Variants in BLOC1S5 observed in about 807,000 individuals in gnomAD.
The protein encoded by BLOC1S5 is biogenesis of lysosomal organelles complex 1 subunit 5.
Under a neutral mutation model 24.3 loss-of-function variants are expected in BLOC1S5, and 27 were observed. The ratio of observed to expected loss-of-function variants is 1.11; its 90% CI spans 0.82 to 1.53. The LOEUF (loss-of-function observed/expected upper bound fraction) is 1.53. Among genes scored for constraint, BLOC1S5 ranks in the 40% most tolerant of loss-of-function variants. The probability of loss-of-function intolerance (pLI) is 0.00; values close to 1 mark genes in which losing one functional copy is unlikely to be tolerated. For synonymous variants in BLOC1S5, 84 were observed against 74.5 expected (o/e 1.13, Z -0.66); for missense variants, 239 against 229.4 (o/e 1.04, Z -0.27).
chr6:8,025,669 C>T (rs1178567187), intron 4 of BLOC1S5, among the ~76,000 whole-genome samples: 7 of 152,164 alleles, frequency 4.6e-5, no homozygotes, highest in African/African-American at 1.7e-4. Flanking sequence ...AACCACAACA[C>T]ATTCCAGATA....
At chr6:8,026,777 ACTT>A (rs1763122635) in intron 3 of BLOC1S5, among the ~76,000 whole-genome samples, 1 of 152,132 alleles carries the variant, frequency 6.6e-6, no homozygotes, top group Non-Finnish European at 1.5e-5. Context: ...TGCTCTCTTG[ACTT>A]CTAATTTATC....
At chr6:8,031,994 A>G (rs1561859529) in intron 3 of BLOC1S5, among the ~76,000 whole-genome samples, 1 of 152,218 alleles carries the variant, frequency 6.6e-6, no homozygotes, top group Non-Finnish European at 1.5e-5. Context: ...ACATAAATCT[A>G]AGACCTAAAA....
chr6:8,044,005 C>T (rs1190379770), intron 2 of BLOC1S5, among the ~76,000 whole-genome samples: 1 of 152,104 alleles, frequency 6.6e-6, no homozygotes, highest in African/African-American at 2.4e-5. Context: ...CCTTTCAGGC[C>T]AGGCGCGATG....
intron 4 of BLOC1S5, among the ~76,000 whole-genome samples, chr6:8,025,149 T>C (rs7451562): frequency 0.039 from 5,951 of 152,342 alleles, 368 homozygotes; most frequent in African/African-American, 0.13. Flanking sequence ...GTAATGATCA[T>C]AGTTCTTACT....
At chr6:8,037,227 C>A (rs1763517534) in intron 3 of BLOC1S5, among the ~76,000 whole-genome samples, 1 of 152,140 alleles carries the variant, frequency 6.6e-6, no homozygotes, top group Non-Finnish European at 1.5e-5. Context: ...TTTAGAAAAA[C>A]CTATTGACTC....
At chr6:8,023,817 CGTGCACATGTGTATAT>C (rs147765279) in intron 4 of BLOC1S5, among the ~76,000 whole-genome samples, 5,979 of 151,880 alleles carry the variant, frequency 0.039, 360 homozygotes, top group African/African-American at 0.13. Flanking sequence ...CGTGTGTGTG[CGTGCACATGTGTATAT>C]GTGCACATGT....
At chr6:8,046,898 CCCAATAGCTGGGAGGACAGGTGCACA>C (rs569548982) in intron 2 of BLOC1S5, among the ~76,000 whole-genome samples, 242 of 150,994 alleles carry the variant, frequency 1.6e-3, no homozygotes, top group Middle Eastern at 6.8e-3. Context: ...GTCTCAGCCT[CCCAATAGCTGGGAGGACAGGTGCACA>C]CCACCACACC....
intron 2 of BLOC1S5, among the ~76,000 whole-genome samples, chr6:8,057,241 G>T (rs1484619111): frequency 6.6e-6 from 1 of 151,056 alleles, no homozygotes; most frequent in African/African-American, 2.5e-5. Flanking sequence ...AAGAAAAAAA[G>T]AAAAGACAAA....
intron 3 of BLOC1S5, among the ~76,000 whole-genome samples, chr6:8,038,474 T>C (rs1763564156): frequency 6.6e-6 from 1 of 151,484 alleles, no homozygotes; most frequent in Admixed American, 6.6e-5. Flanking sequence ...CTAGTTAAAA[T>C]GGCTTTTAAT....
chr6:8,041,659 T>TTTC (rs1561864267), intron 2 of BLOC1S5, among the ~76,000 whole-genome samples: 21 of 79,046 alleles, frequency 2.7e-4, no homozygotes, highest in South Asian at 6.9e-4. Context: ...TTCTTTCTTT[T>TTTC]TTTTTGAGAT....
chr6:8,028,380 G>GATTTGTTTTA, intron 3 of BLOC1S5, among the ~76,000 whole-genome samples: 1 of 145,810 alleles, frequency 6.9e-6, no homozygotes, highest in Non-Finnish European at 1.5e-5. Context: ...AAAAAAAACA[G>GATTTGTTTTA]GAGTTGATTA....
At chr6:8,041,032 G>A (rs2113561518) in intron 3 of BLOC1S5, 107 bp downstream of exon 3, 2 of 1,285,082 alleles carry the variant, frequency 1.6e-6, no homozygotes, top group East Asian at 4.8e-5. Flanking sequence ...CTCTGTAACT[G>A]AGCTTCCCTC....
At chr6:8,048,875 T>C (rs1338942440) in intron 2 of BLOC1S5, among the ~76,000 whole-genome samples, 1 of 149,904 alleles carries the variant, frequency 6.7e-6, no homozygotes, top group Admixed American at 6.7e-5. Flanking sequence ...TAGCTGGGCA[T>C]GGTGGTGTAC....
In BLOC1S5 at chr6:8,028,298, T is replaced by C. The variant is rs533366840; in HGVS notation, c.326-1873A>G. Reference sequence around the variant, plus strand: ...TCAGTAACCATTAATTTTAGCTATATCAAAGATAATATTTAAGTATTGAAA... The same window carrying C: ...TCAGTAACCATTAATTTTAGCTATACCAAAGATAATATTTAAGTATTGAAA... On this transcript the variant is annotated intron_variant, in intron 3 of 4. Coordinates refer to ENST00000397457, the MANE Select transcript of BLOC1S5 (RefSeq NM_201280.3). Among the ~76,000 whole-genome samples, 158 of 152,000 alleles carry C rather than the reference T, an allele frequency of 1.0e-3. 1 individual carries two copies. The highest frequency in any genetic ancestry group is 3.6e-3 in the African/African-American group (149 of 41,400).
At chr6:8,022,568 ATTTTTTTTTTC>A (rs1246187824) in intron 4 of BLOC1S5, among the ~76,000 whole-genome samples, 1,601 of 124,004 alleles carry the variant, frequency 0.013, 132 homozygotes, top group African/African-American at 0.044. Context: ...TTCAAACTCT[ATTTTTTTTTTC>A]TTTTTTTTTT....
chr6:8,043,537 G>T (rs972257321), intron 2 of BLOC1S5, among the ~76,000 whole-genome samples: 3 of 152,086 alleles, frequency 2.0e-5, no homozygotes, highest in Non-Finnish European at 4.4e-5. Context: ...AAAAAATAAG[G>T]AAAGGCGGAG....
chr6:8,027,886 A>C (rs1763163913), intron 3 of BLOC1S5, among the ~76,000 whole-genome samples: 1 of 151,528 alleles, frequency 6.6e-6, no homozygotes, highest in Admixed American at 6.6e-5. Context: ...TATTCTATTT[A>C]TTGTACTATC....
At chr6:8,040,174 G>C (rs1763629343) in intron 3 of BLOC1S5, among the ~76,000 whole-genome samples, 1 of 152,106 alleles carries the variant, frequency 6.6e-6, no homozygotes, top group South Asian at 2.1e-4. Flanking sequence ...AGGCTTGGAT[G>C]GTAGTTCCTC....
chr6:8,054,640 C>T (rs1764252222), intron 2 of BLOC1S5, among the ~76,000 whole-genome samples: 2 of 152,202 alleles, frequency 1.3e-5, no homozygotes, highest in Admixed American at 1.3e-4. Flanking sequence ...CGTTTTCTTG[C>T]CCTTATGAAG....
Sources: gnomAD v4.1 joint callset for allele counts (sites outside exome capture counted in the v4.1 genomes callset) on GRCh38, gnomAD v4.1.1 for gene constraint, MANE v1.5 for transcripts, NCBI Gene and HGNC (gene_info 2026-07-23, HGNC 2026-07-21) for gene names.